PSD3: variants seen among roughly 807,000 people sequenced by gnomAD.
PSD3 encodes pleckstrin and Sec7 domain containing 3.
A neutral mutation model predicts 105.5 loss-of-function variants in PSD3; 49 were observed. That is an observed-to-expected ratio of 0.46 (90% CI 0.37 to 0.59). The LOEUF (loss-of-function observed/expected upper bound fraction) is 0.59. Ranked by LOEUF, PSD3 falls within the 20% of genes least tolerant of loss-of-function variation. PSD3 has a pLI of 0.00. For synonymous variants in PSD3, 557 were observed against 457.8 expected (o/e 1.22, Z -2.77); for missense variants, 1,561 against 1,263.8 (o/e 1.24, Z -3.57).
rs544194172 is a variant in PSD3 at position 19,060,859 on chromosome 8, A to T, written c.324+23347T>A. Among the ~76,000 whole-genome samples the T allele has an allele frequency of 3.2e-4, 48 of 152,344 alleles. No individual in the cohort carries two copies. The South Asian group carries it at 9.3e-3, about 30-fold the overall frequency. ...CCAGTCATGCAAGGGCACGAGCTTT[A>T]AAACTGGCAAGTGGCTTTGACGGTG... On this transcript the variant is annotated intron_variant, in intron 1 of 1. Transcript: ENST00000521475.
At chr8:18,854,648 GGTCCTA>G (rs1815859182) in intron 4 of PSD3, among the ~76,000 whole-genome samples, 1 of 152,002 alleles carries the variant, frequency 6.6e-6, no homozygotes, top group Non-Finnish European at 1.5e-5. Context: ...CACACAGCCT[GGTCCTA>G]AAGAAATGAC....
intron 1 of PSD3, among the ~76,000 whole-genome samples, chr8:19,040,753 T>C (rs1403141288): frequency 3.3e-5 from 5 of 152,190 alleles, no homozygotes; most frequent in Admixed American, 2.6e-4. Context: ...CTGAATAAGC[T>C]AACTGATGAG....
rs554119596 is a variant in PSD3 at position 19,052,344 on chromosome 8, C to T, written c.324+31862G>A. Among the ~76,000 whole-genome samples, 6 of 151,876 alleles carry T rather than the reference C, an allele frequency of 4.0e-5. No homozygotes were observed. In the South Asian group the frequency reaches 6.2e-4, roughly 16 times the overall value. ...AACATTAGCCAGGTGTGGTGACATG[C>T]GCCTGTAGTCCCAGCTACTCAGGAG... On this transcript the variant is annotated intron_variant, in intron 1 of 1. Transcript: ENST00000521475.
At chr8:18,994,052 C>A (rs770300226) in intron 1 of PSD3, among the ~76,000 whole-genome samples, 1 of 151,864 alleles carries the variant, frequency 6.6e-6, no homozygotes, top group Non-Finnish European at 1.5e-5. Context: ...AGTTCCGTAT[C>A]CTAGATCTAC....
intron 8 of PSD3, among the ~76,000 whole-genome samples, chr8:18,768,370 C>T (rs1807209447): frequency 6.6e-6 from 1 of 152,060 alleles, no homozygotes; most frequent in Admixed American, 6.5e-5. Flanking sequence ...GCCTGGGAGG[C>T]CCAGGAAGGA....
At chr8:18,910,526 T>C (rs1178264866) in intron 2 of PSD3, among the ~76,000 whole-genome samples, 2 of 119,276 alleles carry the variant, frequency 1.7e-5, no homozygotes, top group Non-Finnish European at 1.7e-5. Context: ...TTGGGAGATA[T>C]ACCTAATGCT....
In PSD3 at chr8:18,878,234, C is replaced by A. The variant is rs76925229; in HGVS notation, c.131-5501G>T. Reference sequence around the variant, plus strand: ...TATTGCTTTTCAAATTTCTTTAGATCATTCAGTAGCCATGCATAGAAATTC... The same window carrying A: ...TATTGCTTTTCAAATTTCTTTAGATAATTCAGTAGCCATGCATAGAAATTC... On this transcript the variant is annotated intron_variant, in intron 2 of 15. Coordinates refer to ENST00000327040, the MANE Select transcript of PSD3 (RefSeq NM_015310.4). Among the ~76,000 whole-genome samples, 724 of 152,124 alleles carry A rather than the reference C, an allele frequency of 4.8e-3. 11 individuals carry two copies. The highest frequency in any genetic ancestry group is 0.016 in the African/African-American group (682 of 41,502).
At chr8:18,664,719 G>C (rs192779310) in intron 9 of PSD3, among the ~76,000 whole-genome samples, 2 of 152,272 alleles carry the variant, frequency 1.3e-5, no homozygotes, top group Admixed American at 6.5e-5. Flanking sequence ...TGATAGCTAG[G>C]GAGAAGTCAA....
chr8:18,618,747 C>G (rs921109573), intron 11 of PSD3, among the ~76,000 whole-genome samples: 5 of 151,886 alleles, frequency 3.3e-5, no homozygotes, highest in Non-Finnish European at 7.4e-5. Flanking sequence ...GTGGTGTAAT[C>G]ATGGCTCACT....
At chr8:18,779,780 T>C (rs1322219580) in intron 8 of PSD3, among the ~76,000 whole-genome samples, 1 of 152,220 alleles carries the variant, frequency 6.6e-6, no homozygotes, top group African/African-American at 2.4e-5. Flanking sequence ...TATTCCATCG[T>C]GGTCTGAGAA....
At chr8:18,629,682 G>A (rs1806754108) in intron 11 of PSD3, among the ~76,000 whole-genome samples, 1 of 151,926 alleles carries the variant, frequency 6.6e-6, no homozygotes, top group Non-Finnish European at 1.5e-5. Context: ...ATAATCATCT[G>A]TCATAACCGT....
chr8:18,936,070 A>C lies in PSD3; in HGVS notation c.94T>G (p.Leu32Val). The C allele has an allele frequency of 6.2e-7, 1 of 1,613,374 alleles. No individual in the cohort carries two copies. The highest frequency in any genetic ancestry group is 8.5e-7 in the Non-Finnish European group (1 of 1,179,686). ...GCTTTCCCTTCAGATCTGCCAAATA[A>C]AAATTCATATTTGGCCTTGGCAACA... Reference protein sequence around the residue: ...QSVAKAKYEFLFGRSEGKAPD... With the variant: ...QSVAKAKYEFVFGRSEGKAPD... The change falls in exon 2 of 16, where the codon TTA becomes GTA. Residue 32 changes from leucine to valine, a missense_variant. By Grantham distance (32) the Leu-to-Val change is conservative. Transcript: ENST00000327040.
chr8:18,801,417 T>C (rs754726488), intron 6 of PSD3, 35 bp from the exon 7 acceptor site: 21 of 1,283,374 alleles, frequency 1.6e-5, no homozygotes, highest in Middle Eastern at 3.9e-4. Context: ...CAGTGAAATT[T>C]TCGAAAATGC....
intron 4 of PSD3, chr8:18,849,501 T>C (rs2129452113): frequency 6.6e-6 from 1 of 152,354 alleles, no homozygotes; most frequent in Non-Finnish European, 1.5e-5. Context: ...CTGCCTCTTC[T>C]TACATGTTGG....
intron 2 of PSD3, among the ~76,000 whole-genome samples, chr8:18,875,662 G>A (rs1034080957): frequency 4.0e-5 from 6 of 151,702 alleles, no homozygotes; most frequent in Non-Finnish European, 7.4e-5. Context: ...TCAGCCTCCC[G>A]AGGAGCTGGG....
intron 2 of PSD3, among the ~76,000 whole-genome samples, chr8:18,900,111 G>T (rs1819407993): frequency 6.6e-6 from 1 of 152,074 alleles, no homozygotes. Context: ...GCTGTCTGCT[G>T]CTTCTCCTGT....
intron 9 of PSD3, among the ~76,000 whole-genome samples, chr8:18,759,109 C>T (rs1806303182): frequency 1.3e-5 from 2 of 152,036 alleles, no homozygotes; most frequent in East Asian, 1.9e-4. Context: ...CTCTCTCTCT[C>T]TCTCTCTTTC....
intron 2 of PSD3, among the ~76,000 whole-genome samples, chr8:18,886,431 T>G (rs1818456627): frequency 6.6e-6 from 1 of 152,158 alleles, no homozygotes; most frequent in African/African-American, 2.4e-5. Context: ...CCTCTATGTC[T>G]GGATTCAGCA....
At chr8:18,585,012 G>C (rs1377228440) in intron 12 of PSD3, among the ~76,000 whole-genome samples, 1 of 152,078 alleles carries the variant, frequency 6.6e-6, no homozygotes, top group Non-Finnish European at 1.5e-5. Flanking sequence ...TAATGTCTAT[G>C]GGAATGAGGA....
Sources: gnomAD v4.1 joint callset for allele counts (sites outside exome capture counted in the v4.1 genomes callset) on GRCh38, gnomAD v4.1.1 for gene constraint, MANE v1.5 for transcripts, NCBI Gene and HGNC (gene_info 2026-07-23, HGNC 2026-07-21) for gene names.